Variants in LRRC4C observed in about 807,000 individuals in gnomAD.
The protein encoded by LRRC4C is leucine-rich repeat-containing protein 4C.
LRRC4C carries 5 observed loss-of-function variants against 33.6 expected under a neutral mutation model. That is an observed-to-expected ratio of 0.15 (90% CI 0.08 to 0.31). The LOEUF (loss-of-function observed/expected upper bound fraction) is 0.31, where lower values mean the gene tolerates loss of function less well. Among genes scored for constraint, LRRC4C ranks in the 10% least tolerant of loss-of-function variants. LRRC4C has a pLI of 1.00. For synonymous variants in LRRC4C, 329 were observed against 302.0 expected (o/e 1.09, Z -0.93); for missense variants, 560 against 796.7 (o/e 0.70, Z 3.58).
At chr11:41,013,053 T>C (rs1022064088) in intron 1 of LRRC4C, among the ~76,000 whole-genome samples, 1 of 152,236 alleles carries the variant, frequency 6.6e-6, no homozygotes, top group Non-Finnish European at 1.5e-5. Flanking sequence ...GTGCACTTAA[T>C]ACATAATTCA....
At chr11:40,618,811 C>A (rs60588719) in intron 3 of LRRC4C, among the ~76,000 whole-genome samples, 2 of 151,696 alleles carry the variant, frequency 1.3e-5, no homozygotes, top group Admixed American at 1.3e-4. Flanking sequence ...ACGACACTTC[C>A]GGTCTTTCAA....
intron 2 of LRRC4C, among the ~76,000 whole-genome samples, chr11:40,688,865 G>A (rs762455847): frequency 7.9e-5 from 12 of 152,002 alleles, no homozygotes; most frequent in Non-Finnish European, 1.3e-4. Flanking sequence ...AAACCAGCTG[G>A]TGGAAGAACT....
chr11:40,806,228 C>A (rs1951242243), intron 2 of LRRC4C, among the ~76,000 whole-genome samples: 1 of 152,164 alleles, frequency 6.6e-6, no homozygotes, highest in African/African-American at 2.4e-5. Context: ...GGATTATTTG[C>A]TCATATGTCT....
chr11:40,957,725 G>A (rs1158331846), intron 1 of LRRC4C, among the ~76,000 whole-genome samples: 1 of 151,718 alleles, frequency 6.6e-6, no homozygotes, highest in African/African-American at 2.4e-5. Context: ...AAACCTAGTT[G>A]AGAAGAGTGT....
chr11:40,615,933 G>A (rs1410668721), intron 3 of LRRC4C, among the ~76,000 whole-genome samples: 1 of 151,680 alleles, frequency 6.6e-6, no homozygotes, highest in Non-Finnish European at 1.5e-5. Context: ...ATTGAATTCT[G>A]TTTTACATAT....
At chr11:40,818,126 C>G (rs1951780593) in intron 2 of LRRC4C, among the ~76,000 whole-genome samples, 1 of 152,038 alleles carries the variant, frequency 6.6e-6, no homozygotes, top group African/African-American at 2.4e-5. Flanking sequence ...CTTCTCTCTT[C>G]TTTCATCTTT....
intron 2 of LRRC4C, among the ~76,000 whole-genome samples, chr11:40,661,771 A>G (rs1177224864): frequency 6.6e-6 from 1 of 152,232 alleles, no homozygotes; most frequent in Non-Finnish European, 1.5e-5. Context: ...TAACTGCTAT[A>G]TGCTCTATTG....
intron 2 of LRRC4C, among the ~76,000 whole-genome samples, chr11:40,916,547 TG>T (rs1464617442): frequency 1.3e-5 from 2 of 151,872 alleles, no homozygotes; most frequent in Non-Finnish European, 2.9e-5. Context: ...GGGCCTGTTG[TG>T]GGGTGGTGGG....
chr11:41,223,200 T>G (rs143402725), intron 1 of LRRC4C, among the ~76,000 whole-genome samples: 2 of 152,240 alleles, frequency 1.3e-5, no homozygotes, highest in East Asian at 1.9e-4. Flanking sequence ...TTAAGAGACA[T>G]AGAGAGTCAT....
chr11:40,402,968 A>T, intron 3 of LRRC4C, among the ~76,000 whole-genome samples: 1 of 152,124 alleles, frequency 6.6e-6, no homozygotes, highest in East Asian at 1.9e-4. Flanking sequence ...CTTGCCTTTT[A>T]GAGATAATTA....
chr11:40,541,570 T>C (rs1404601797), intron 3 of LRRC4C, among the ~76,000 whole-genome samples: 1 of 152,178 alleles, frequency 6.6e-6, no homozygotes, highest in Non-Finnish European at 1.5e-5. Flanking sequence ...ACAGTCCTTC[T>C]CCATCACAGT....
At chr11:40,647,165 A>G (rs768475871) in intron 3 of LRRC4C, among the ~76,000 whole-genome samples, 10 of 152,228 alleles carry the variant, frequency 6.6e-5, no homozygotes, top group Non-Finnish European at 1.3e-4. Context: ...GCTGTTATAA[A>G]TGCAACTGAG....
At chr11:40,469,069 G>T (rs536759572) in intron 3 of LRRC4C, among the ~76,000 whole-genome samples, 5 of 152,206 alleles carry the variant, frequency 3.3e-5, no homozygotes, top group Admixed American at 6.5e-5. Flanking sequence ...GTGTACTGGG[G>T]AAAAAGGGAG....
intron 1 of LRRC4C, among the ~76,000 whole-genome samples, chr11:41,004,198 G>C (rs1327693825): frequency 6.6e-6 from 1 of 152,138 alleles, no homozygotes; most frequent in Non-Finnish European, 1.5e-5. Context: ...TCTTTTCAAT[G>C]TCCTCAAGAC....
chr11:40,756,323 T>A (rs964007155), intron 2 of LRRC4C, among the ~76,000 whole-genome samples: 5 of 152,120 alleles, frequency 3.3e-5, no homozygotes, highest in African/African-American at 1.2e-4. Flanking sequence ...CCTTTAGCAC[T>A]CTTAAAGTAT....
intron 1 of LRRC4C, among the ~76,000 whole-genome samples, chr11:41,051,056 A>C (rs1858167593): frequency 6.6e-6 from 1 of 152,166 alleles, no homozygotes; most frequent in South Asian, 2.1e-4. Context: ...TCAATGAGTC[A>C]CAATCTGAGA....
At chr11:41,408,419 A>G (rs1954324133) in intron 1 of LRRC4C, among the ~76,000 whole-genome samples, 3 of 152,138 alleles carry the variant, frequency 2.0e-5, no homozygotes, top group Admixed American at 2.0e-4. Context: ...AGGACTCCCC[A>G]TTAGCCCCAC....
chr11:41,022,965 C>T (rs557339522), intron 1 of LRRC4C, among the ~76,000 whole-genome samples: 2 of 152,040 alleles, frequency 1.3e-5, no homozygotes, highest in South Asian at 4.1e-4. Context: ...CAGAAAATCA[C>T]TAACTCACAA....
chr11:40,843,793 A>C (rs1017098828), intron 2 of LRRC4C, among the ~76,000 whole-genome samples: 1 of 152,170 alleles, frequency 6.6e-6, no homozygotes, highest in Admixed American at 6.6e-5. Flanking sequence ...AAATTGTTAC[A>C]TTTTCAGTTG....
Sources: allele counts gnomAD v4.1 joint callset (sites outside exome capture counted in the v4.1 genomes callset), GRCh38; gene constraint gnomAD v4.1.1; transcripts MANE v1.5; gene names NCBI Gene and HGNC (gene_info 2026-07-23, HGNC 2026-07-21).